The following R3HDM2 variants were observed in gnomAD, a reference collection of about 807,000 sequenced individuals.
The protein encoded by R3HDM2 is R3H domain-containing protein 2.
A neutral mutation model predicts 124.5 loss-of-function variants in R3HDM2; 38 were observed. The ratio of observed to expected loss-of-function variants is 0.31; its 90% CI spans 0.24 to 0.40. The LOEUF (loss-of-function observed/expected upper bound fraction) is 0.40. Ranked by LOEUF, R3HDM2 falls within the 10% of genes least tolerant of loss-of-function variation. The pLI, the probability that R3HDM2 is intolerant of heterozygous loss-of-function variation, is 1.00. For synonymous variants in R3HDM2, 391 were observed against 448.0 expected, an observed-to-expected ratio of 0.87 and a Z score of 1.61; for missense variants, 869 against 1,236.9, an observed-to-expected ratio of 0.70 and a Z score of 4.46.
At chr12:57,309,785 CT>C (rs2053529818) in intron 3 of R3HDM2, among the ~76,000 whole-genome samples, 1 of 152,182 alleles carries the variant, frequency 6.6e-6, no homozygotes, top group South Asian at 2.1e-4. Flanking sequence ...TTACTCTGTC[CT>C]TTTTAGACTT....
intron 1 of R3HDM2, among the ~76,000 whole-genome samples, chr12:57,409,847 T>C (rs1282218488): frequency 1.3e-5 from 2 of 152,072 alleles, no homozygotes; most frequent in African/African-American, 4.8e-5. Context: ...GACAGCTCGT[T>C]TTTCCAAAGA....
chr12:57,310,819 A>G (rs1244768911), intron 2 of R3HDM2, among the ~76,000 whole-genome samples: 3 of 152,062 alleles, frequency 2.0e-5, no homozygotes, highest in Admixed American at 2.0e-4. Context: ...CCAACTACTG[A>G]TCTGTTCTGT....
intron 18 of R3HDM2, 36 bp from the exon 19 acceptor site, chr12:57,266,867 T>A: frequency 7.0e-7 from 1 of 1,432,562 alleles, no homozygotes; most frequent in Non-Finnish European, 9.7e-7. Flanking sequence ...GGTGAAGCAG[T>A]AGAGGGATGA....
rs781478665 is a variant in R3HDM2 at position 57,334,975 on chromosome 12, CA to C, written c.-35-24513del. The stretch of plus-strand genomic sequence containing the variant: ...CAACATAGTGAGACCCCACCTCTAC[CA>C]AAAAAAAAAAAAAAAGTTAGCTGGG... On this transcript the variant is annotated intron_variant, in intron 2 of 23. Transcript: ENST00000402412. 4.7e-3 allele frequency among the ~76,000 whole-genome samples: 562 copies of C among 120,776 alleles called. 2 individuals are homozygous for C. The highest frequency in any genetic ancestry group is 9.1e-3 in the African/African-American group (297 of 32,770). The allele number at this position is 120,776 out of a possible 152,430, so 79.2% of individuals were successfully genotyped here.
At chr12:57,411,229 T>C (rs2068974508) in intron 1 of R3HDM2, among the ~76,000 whole-genome samples, 1 of 152,242 alleles carries the variant, frequency 6.6e-6, no homozygotes, top group African/African-American at 2.4e-5. Flanking sequence ...TGAGACAGCA[T>C]CTCACTCTGT....
At chr12:57,408,099 TTTA>T (rs1182569983) in intron 1 of R3HDM2, among the ~76,000 whole-genome samples, 4 of 152,160 alleles carry the variant, frequency 2.6e-5, no homozygotes, top group South Asian at 4.1e-4. Flanking sequence ...CCAGCTAGTT[TTTA>T]TTATTTTAGG....
At chr12:57,390,266 T>C (rs1230928432) in intron 2 of R3HDM2, among the ~76,000 whole-genome samples, 2 of 152,140 alleles carry the variant, frequency 1.3e-5, no homozygotes, top group Non-Finnish European at 2.9e-5. Context: ...TAGTGATTCC[T>C]TGGGAGATGG....
At chr12:57,330,380 G>A (rs1405452415) in intron 2 of R3HDM2, among the ~76,000 whole-genome samples, 1 of 149,782 alleles carries the variant, frequency 6.7e-6, no homozygotes, top group Admixed American at 6.7e-5. Context: ...TTTTGCTCTC[G>A]TTGCCCCGGC....
intron 13 of R3HDM2, among the ~76,000 whole-genome samples, chr12:57,281,557 C>T (rs2137945653): frequency 1.3e-5 from 2 of 151,996 alleles, no homozygotes; most frequent in South Asian, 4.2e-4. Context: ...ACGATCTTGG[C>T]TCACTGCAAC....
intron 3 of R3HDM2, among the ~76,000 whole-genome samples, chr12:57,308,455 C>T (rs992230118): frequency 1.4e-5 from 2 of 144,140 alleles, no homozygotes; most frequent in East Asian, 2.1e-4. Context: ...GAGGCCAAGG[C>T]GGGCAGATCA....
intron 2 of R3HDM2, among the ~76,000 whole-genome samples, chr12:57,329,375 G>A (rs1173221931): frequency 6.6e-6 from 1 of 152,220 alleles, no homozygotes; most frequent in Admixed American, 6.5e-5. Context: ...GAATTTGGCT[G>A]TGTGACTACT....
In R3HDM2 at chr12:57,267,033, A is replaced by G. The variant is rs570436928; in HGVS notation, c.2031-202T>C. On this transcript the variant is annotated intron_variant, in intron 18 of 23. Coordinates refer to ENST00000402412, the MANE Select transcript of R3HDM2 (RefSeq NM_001394031.1). ...TGTATTTGTACTTGATCATCTTTCA[A>G]TTAGGAAGCTGCTAATCAGTGCTAC... The G allele has an allele frequency of 4.5e-5, 21 of 463,492 alleles. No individual in the cohort carries two copies. The East Asian group carries it at 5.6e-4, about 12-fold the overall frequency. 28.7% of individuals were successfully genotyped at this position (463,492 alleles called of 1,614,324 possible).
intron 7 of R3HDM2, 62 bp from the exon 8 acceptor site, chr12:57,297,449 G>A (rs1480229828): frequency 9.7e-7 from 1 of 1,035,626 alleles, no homozygotes; most frequent in Admixed American, 2.6e-5. Flanking sequence ...CATAGACATT[G>A]AAAGTGGGGA....
chr12:57,270,959 G>A (rs1002882514), intron 14 of R3HDM2, among the ~76,000 whole-genome samples: 2 of 152,156 alleles, frequency 1.3e-5, no homozygotes, highest in African/African-American at 4.8e-5. Context: ...GCGGCTTAAC[G>A]AAAAAGATTA....
intron 18 of R3HDM2, 175 bp downstream of exon 18, chr12:57,268,128 C>T (rs1404192588): frequency 1.8e-6 from 1 of 554,532 alleles, no homozygotes; most frequent in Non-Finnish European, 2.9e-6. Flanking sequence ...CTCTTAGGCA[C>T]ATGTCAAATC....
At chr12:57,407,278 T>C (rs1023121420) in intron 1 of R3HDM2, among the ~76,000 whole-genome samples, 11 of 151,654 alleles carry the variant, frequency 7.3e-5, no homozygotes, top group African/African-American at 2.7e-4. Flanking sequence ...TTAAAAGATG[T>C]TAAACATGCA....
chr12:57,402,314 A>G (rs2068114150), intron 1 of R3HDM2, among the ~76,000 whole-genome samples: 1 of 151,818 alleles, frequency 6.6e-6, no homozygotes, highest in South Asian at 2.1e-4. Flanking sequence ...AAAAGTGCAT[A>G]CATATCCCAC....
At chr12:57,255,497 C>G (rs1052518763) in intron 23 of R3HDM2, among the ~76,000 whole-genome samples, 204 of 152,190 alleles carry the variant, frequency 1.3e-3, no homozygotes, top group Non-Finnish European at 1.2e-4. Context: ...TAGTTCCCTT[C>G]CCACTCAGAG....
At chr12:57,274,664 T>A (rs1467695805) in intron 14 of R3HDM2, among the ~76,000 whole-genome samples, 1 of 152,186 alleles carries the variant, frequency 6.6e-6, no homozygotes, top group Non-Finnish European at 1.5e-5. Context: ...TCAGCCATAG[T>A]TCTCTTCTTG....
Sources: allele counts gnomAD v4.1 joint callset (sites outside exome capture counted in the v4.1 genomes callset), GRCh38; gene constraint gnomAD v4.1.1; transcripts MANE v1.5; gene names NCBI Gene and HGNC (gene_info 2026-07-23, HGNC 2026-07-21).